The following MYOM2 variants were observed in gnomAD, a reference collection of about 807,000 sequenced individuals.
MYOM2 encodes myomesin 2.
A neutral mutation model predicts 187.6 loss-of-function variants in MYOM2; 254 were observed. The ratio of observed to expected loss-of-function variants is 1.35; its 90% CI spans 1.22 to 1.50. The LOEUF is 1.50. MYOM2 is among the 40% of genes most tolerant of loss of function. The probability of loss-of-function intolerance (pLI) is 0.00; values close to 1 mark genes in which losing one functional copy is unlikely to be tolerated. For missense variants in MYOM2, 2,796 were observed against 1,924.0 expected (o/e 1.45, Z -8.48); for synonymous variants, 981 against 753.8 (o/e 1.30, Z -4.94).
intron 9 of MYOM2, among the ~76,000 whole-genome samples, chr8:2,072,872 G>A (rs1204067621): frequency 6.6e-6 from 1 of 152,232 alleles, no homozygotes; most frequent in Admixed American, 6.5e-5. Flanking sequence ...TAGTCGTATT[G>A]AGATTCTTTT....
At chr8:2,091,364 C>T (rs909700220) in intron 15 of MYOM2, among the ~76,000 whole-genome samples, 3 of 152,124 alleles carry the variant, frequency 2.0e-5, no homozygotes, top group Non-Finnish European at 2.9e-5. Context: ...GTTTCTTGCC[C>T]ATCTGGCTTG....
intron 18 of MYOM2, among the ~76,000 whole-genome samples, chr8:2,097,562 T>C (rs1046167773): frequency 6.6e-6 from 1 of 152,212 alleles, no homozygotes; most frequent in African/African-American, 2.4e-5. Flanking sequence ...TGACCCAGGC[T>C]GGAGTGCAGT....
At chr8:2,054,237 C>T (rs1818584000) in intron 3 of MYOM2, among the ~76,000 whole-genome samples, 1 of 152,206 alleles carries the variant, frequency 6.6e-6, no homozygotes, top group South Asian at 2.1e-4. Flanking sequence ...GCTGATGTCC[C>T]TGTGTCAAAT....
rs778825435 is a variant in MYOM2 at position 2,096,392 on chromosome 8, G to C, written c.2271G>C (p.Trp757Cys). 6.2e-7 allele frequency: 1 copy of C among 1,614,194 alleles called. No individual in the cohort carries two copies. Among genetic ancestry groups the C allele is most frequent in the East Asian group, 2.2e-5 (1 of 44,878 alleles). The stretch of plus-strand genomic sequence containing the variant: ...AGCGTGAAGTTCACCATAAAAACTG[G>C]CACGAGGTCAATTCCTCACCCAGCA... ...LDKREVHHKN[W>C]HEVNSSPSKP... is the part of the protein sequence containing the mutation. The change falls in exon 18 of 37, where the codon TGG becomes TGC. Residue 757 changes from tryptophan (W) to cysteine (C), a missense_variant. Trp to Cys is a radical substitution (Grantham distance 215). Coordinates refer to ENST00000262113, the MANE Select transcript of MYOM2 (RefSeq NM_003970.4).
At chr8:2,109,916 C>A (rs372842307) in intron 25 of MYOM2, among the ~76,000 whole-genome samples, 2 of 152,208 alleles carry the variant, frequency 1.3e-5, no homozygotes, top group East Asian at 3.9e-4. Context: ...CATTCTCCCC[C>A]CACTGACAGC....
At chr8:2,053,727 C>T (rs1019760568) in intron 3 of MYOM2, among the ~76,000 whole-genome samples, 3 of 152,202 alleles carry the variant, frequency 2.0e-5, no homozygotes, top group African/African-American at 7.2e-5. Context: ...CTGATCCTCA[C>T]GTTAAATGCC....
chr8:2,130,135 G>C (rs765855197), intron 32 of MYOM2, among the ~76,000 whole-genome samples: 1 of 124,280 alleles, frequency 8.0e-6, no homozygotes, highest in Non-Finnish European at 1.6e-5. Context: ...GCTATACCCA[G>C]GGCGTCCCCA....
chr8:2,108,617 AG>A (rs1796968606), intron 23 of MYOM2, among the ~76,000 whole-genome samples, 168 bp from the exon 24 acceptor site: 1 of 152,084 alleles, frequency 6.6e-6, no homozygotes, highest in Non-Finnish European at 1.5e-5. Flanking sequence ...TAAATGGTGA[AG>A]GTTAAAGCTA....
chr8:2,081,124 G>A (rs1819610295), intron 13 of MYOM2, among the ~76,000 whole-genome samples: 6 of 128,730 alleles, frequency 4.7e-5, no homozygotes, highest in Non-Finnish European at 8.1e-5. Context: ...GTTGGTTCTG[G>A]CCTGCGGGAG....
rs528656173 is a variant in MYOM2 at position 2,053,623 on chromosome 8, C to G, written c.263+1310C>G. Among the ~76,000 whole-genome samples the G allele has an allele frequency of 5.3e-5, 8 of 152,326 alleles. No homozygotes were observed. In the South Asian group the frequency reaches 1.7e-3, roughly 32 times the overall value. On this transcript the variant is annotated intron_variant, in intron 3 of 36. Coordinates refer to ENST00000262113, the MANE Select transcript of MYOM2 (RefSeq NM_003970.4). ...ACAGCCTTGGCTGCTGGAAATTGTC[C>G]TAAAACACATTGGTCTATGCTCTTG...
intron 8 of MYOM2, among the ~76,000 whole-genome samples, chr8:2,071,635 C>G (rs371890297): frequency 1.3e-5 from 2 of 152,194 alleles, no homozygotes; most frequent in African/African-American, 4.8e-5. Flanking sequence ...CTGCCTCTGA[C>G]GACACCGCAA....
chr8:2,104,377 C>A (rs938340535), intron 21 of MYOM2, among the ~76,000 whole-genome samples: 1 of 151,854 alleles, frequency 6.6e-6, no homozygotes, highest in Non-Finnish European at 1.5e-5. Context: ...CCGAGGCGGG[C>A]GGATCACGAG....
At chr8:2,131,756 G>T (rs1201457757) in intron 32 of MYOM2, among the ~76,000 whole-genome samples, 1 of 149,436 alleles carries the variant, frequency 6.7e-6, no homozygotes, top group Non-Finnish European at 1.5e-5. Flanking sequence ...CCATTCTCCT[G>T]CCTCAGCCTC....
intron 3 of MYOM2, among the ~76,000 whole-genome samples, chr8:2,056,375 T>C (rs1219082021): frequency 6.6e-6 from 1 of 151,992 alleles, no homozygotes; most frequent in African/African-American, 2.4e-5. Flanking sequence ...GGGAACGCGA[T>C]GGTGAGGGAG....
chr8:2,109,398 T>G lies in MYOM2; in HGVS notation c.3047T>G (p.Ile1016Ser), dbSNP rs533119927. The change falls in exon 25 of 37, where the codon ATT (isoleucine) becomes AGT (serine). Residue 1016 changes from isoleucine to serine, a missense_variant. Coordinates refer to ENST00000262113, the MANE Select transcript of MYOM2 (RefSeq NM_003970.4). ...ALSNEIKNPT[I>S]PLKSELAYEI... is the part of the protein sequence containing the mutation. ...GCGATTTCTTTTCTTCCTGTAGCAA[T>G]TCCTCTGAAATCGGAATTAGCTTAT... 3.4e-5 allele frequency: 54 copies of G among 1,603,624 alleles called. 1 individual carries two copies. In the Middle Eastern group the frequency reaches 1.0e-3, roughly 30 times the overall value.
intron 17 of MYOM2, among the ~76,000 whole-genome samples, chr8:2,095,465 A>AT (rs1002185734): frequency 4.6e-5 from 7 of 151,520 alleles, no homozygotes; most frequent in African/African-American, 1.7e-4. Context: ...TAATTTTTTG[A>AT]TTTTTTTGTA....
chr8:2,087,724 C>T (rs1411533027), intron 14 of MYOM2, among the ~76,000 whole-genome samples: 2 of 152,226 alleles, frequency 1.3e-5, no homozygotes, highest in East Asian at 1.9e-4. Flanking sequence ...AGTCCTTCTG[C>T]CCCAGGCCCC....
Position 2,089,095 on chromosome 8 carries a change from A to G in MYOM2, c.1645-913A>G, listed in dbSNP as rs181653632. ...TCCTTCAAATATGAGTCTGATTTCT[A>G]GAAGTCTGGGTTGCTATCTGAATTT... On this transcript the variant is annotated intron_variant, in intron 14 of 36. Transcript: ENST00000262113. Among the ~76,000 whole-genome samples, 17 of 114,976 alleles carry G rather than the reference A, an allele frequency of 1.5e-4. No homozygotes were observed. The Admixed American group carries it at 1.5e-3, about 10-fold the overall frequency. The allele number at this position is 114,976 out of a possible 152,430, so 75.4% of individuals were successfully genotyped here. A position where few individuals can be genotyped will look rare whatever the true frequency, so the allele number is the denominator to read the frequency against.
At chr8:2,108,746 G>GCAGGTC in intron 23 of MYOM2, 40 bp from the exon 24 acceptor site, 1 of 1,608,280 alleles carries the variant, frequency 6.2e-7, no homozygotes, top group Non-Finnish European at 8.5e-7. Flanking sequence ...TTCTCTAGGT[G>GCAGGTC]CAGGTCCAGA....
Sources: allele counts gnomAD v4.1 joint callset (sites outside exome capture counted in the v4.1 genomes callset), GRCh38; gene constraint gnomAD v4.1.1; transcripts MANE v1.5; gene names NCBI Gene and HGNC (gene_info 2026-07-23, HGNC 2026-07-21).